Variants in HVCN1 observed in about 807,000 individuals in gnomAD.
The protein encoded by HVCN1 is voltage-gated hydrogen channel 1.
HVCN1 carries 14 observed loss-of-function variants against 29.2 expected under a neutral mutation model. The ratio of observed to expected loss-of-function variants is 0.48; its 90% CI spans 0.32 to 0.75. The LOEUF (loss-of-function observed/expected upper bound fraction) is 0.75. Among genes scored for constraint, HVCN1 ranks in the 30% least tolerant of loss-of-function variants. The probability of loss-of-function intolerance (pLI) is 0.04; values close to 1 mark genes in which losing one functional copy is unlikely to be tolerated. For missense variants in HVCN1, 263 were observed against 341.8 expected, an observed-to-expected ratio of 0.77 and a Z score of 1.82; for synonymous variants, 131 against 133.2, an observed-to-expected ratio of 0.98 and a Z score of 0.11.
upstream of HVCN1, among the ~76,000 whole-genome samples, chr12:110,692,070 C>T (rs137959764): frequency 1.4e-4 from 21 of 152,186 alleles, no homozygotes; most frequent in Non-Finnish European, 2.8e-4. Flanking sequence ...ACACTGTTAT[C>T]CCCAGGCACA....
chr12:110,651,329 C>G lies in HVCN1; in HGVS notation c.531G>C (p.Val177=). The change falls in exon 6 of 8, where the codon GTG becomes GTC. Residue 177 remains valine (V), a synonymous_variant. Coordinates refer to ENST00000242607, the MANE Select transcript of HVCN1 (RefSeq NM_032369.4). The part of the protein sequence containing the change: ...HHKFEILDAV[V]VVVSFILDIV... ...TGTCGAGGATGAATGAGACCACCAC[C>G]ACGACGGCATCCAGGATCTCAAACT... The G allele has an allele frequency of 6.2e-7, 1 of 1,613,964 alleles. No individual in the cohort carries two copies. Among genetic ancestry groups the G allele is most frequent in the Non-Finnish European group, 8.5e-7 (1 of 1,179,860 alleles).
intron 2 of HVCN1, among the ~76,000 whole-genome samples, chr12:110,685,809 C>T (rs1193549414): frequency 6.6e-6 from 1 of 152,070 alleles, no homozygotes; most frequent in Non-Finnish European, 1.5e-5. Flanking sequence ...CCCACCTCAA[C>T]CTCCCGAGTA....
intron 5 of HVCN1, among the ~76,000 whole-genome samples, chr12:110,654,702 A>T (rs2067930525): frequency 6.6e-6 from 1 of 152,072 alleles, no homozygotes; most frequent in Non-Finnish European, 1.5e-5. Context: ...CTGGTCTCGA[A>T]CTCCTGACCT....
In HVCN1 at chr12:110,698,462, C is replaced by T. The variant is rs376721672; in HGVS notation, c.-104+3847G>A. On this transcript the variant is annotated intron_variant, in intron 2 of 4. Coordinates refer to the HVCN1 transcript ENST00000546713. ...GGTTGCTAGTGGAAAGTGCTCTCCA[C>T]ACCTCGGTTCCGCCCTCCAGGCCAA... is the stretch of plus-strand genomic sequence containing the variant. Among the ~76,000 whole-genome samples the T allele has an allele frequency of 3.3e-5, 5 of 152,224 alleles. No homozygotes were observed. The East Asian group carries it at 9.6e-4, about 29-fold the overall frequency.
rs143250179 is a variant in HVCN1 at position 110,672,303 on chromosome 12, T to C, written c.22-10855A>G. Among the ~76,000 whole-genome samples, 8 of 152,290 alleles carry C rather than the reference T, an allele frequency of 5.3e-5. No individual in the cohort carries two copies. The East Asian group carries it at 9.7e-4, about 18-fold the overall frequency. ...TTTCTATCAACATTTAAAATGTCCT[T>C]ATTGCTTGACTTTACAAGAGACTCC... On this transcript the variant is annotated intron_variant, in intron 3 of 7. Transcript: ENST00000242607.
intron 1 of HVCN1, among the ~76,000 whole-genome samples, chr12:110,703,726 C>T (rs539173638): frequency 2.0e-5 from 3 of 152,156 alleles, no homozygotes; most frequent in Admixed American, 1.3e-4. Flanking sequence ...ACCTCATCGC[C>T]TAGGCTGGAG....
intron 3 of HVCN1, among the ~76,000 whole-genome samples, chr12:110,680,968 A>C (rs1188092657): frequency 6.6e-6 from 1 of 152,150 alleles, no homozygotes; most frequent in African/African-American, 2.4e-5. Context: ...ACAATTTTCT[A>C]TCTTATTTTT....
chr12:110,683,629 G>A (rs1466894479), intron 2 of HVCN1, among the ~76,000 whole-genome samples: 1 of 152,156 alleles, frequency 6.6e-6, no homozygotes, highest in Non-Finnish European at 1.5e-5. Context: ...AATGAAGGGG[G>A]CCAGGTGTGG....
chr12:110,683,087 C>T (rs1335572315), intron 3 of HVCN1, 138 bp downstream of exon 3: 14 of 1,180,586 alleles, frequency 1.2e-5, no homozygotes, highest in Non-Finnish European at 1.4e-5. Context: ...AGCTTTTCAT[C>T]ATTTTGATTT....
At chr12:110,680,338 T>A (rs2068917276) in intron 3 of HVCN1, among the ~76,000 whole-genome samples, 1 of 152,070 alleles carries the variant, frequency 6.6e-6, no homozygotes, top group South Asian at 2.1e-4. Context: ...CCTTGCTGTC[T>A]CTGTGCCCTG....
intron 2 of HVCN1, among the ~76,000 whole-genome samples, chr12:110,683,825 C>T (rs1031601087): frequency 6.7e-6 from 1 of 149,796 alleles, no homozygotes; most frequent in Non-Finnish European, 1.5e-5. Context: ...GCAGGAGAAT[C>T]GCTTGAACCC....
intron 3 of HVCN1, among the ~76,000 whole-genome samples, chr12:110,672,706 G>T (rs1481298143): frequency 6.6e-6 from 1 of 152,160 alleles, no homozygotes; most frequent in Non-Finnish European, 1.5e-5. Flanking sequence ...GCACCCGGGG[G>T]AGGTAACTGA....
intron 6 of HVCN1, among the ~76,000 whole-genome samples, chr12:110,650,701 T>G (rs1033566391): frequency 6.6e-6 from 1 of 151,578 alleles, no homozygotes; most frequent in Non-Finnish European, 1.5e-5. Context: ...TCCAGTTTTT[T>G]TTTTTTTTTT....
At chr12:110,702,848 T>G (rs1447819867) in intron 1 of HVCN1, among the ~76,000 whole-genome samples, 1 of 152,134 alleles carries the variant, frequency 6.6e-6, no homozygotes, top group Non-Finnish European at 1.5e-5. Context: ...GAAATATGGT[T>G]TCTCCATGTT....
intron 2 of HVCN1, among the ~76,000 whole-genome samples, chr12:110,698,569 A>G (rs2069528248): frequency 6.6e-6 from 1 of 152,162 alleles, no homozygotes; most frequent in Admixed American, 6.5e-5. Flanking sequence ...CGGAGTCTAC[A>G]TTGAACTCCC....
intron 3 of HVCN1, among the ~76,000 whole-genome samples, chr12:110,673,936 T>C (rs2068664769): frequency 6.6e-6 from 1 of 152,194 alleles, no homozygotes; most frequent in African/African-American, 2.4e-5. Context: ...TTCTGGGGTA[T>C]CACCTAGTAG....
Position 110,661,177 on chromosome 12 carries a change from G to A in HVCN1, c.293C>T (p.Ser98Phe), listed in dbSNP as rs1349728820. 2 of 1,606,672 alleles carry A rather than the reference G, an allele frequency of 1.2e-6. No individual in the cohort carries two copies. The highest frequency in any genetic ancestry group is 1.1e-5 in the South Asian group (1 of 90,280). ...TGCCCCACCTACCTGAAACCTGTGG[G>A]AGCTGAACAGTTTCCTCAACATGCC... ...FRGMLRKLFS[S>F]HRFQVIIICL... Residue 98 changes from serine to phenylalanine, a missense_variant, in exon 4 of 8, where the codon TCC (serine) becomes TTC (phenylalanine). Ser to Phe is a radical substitution (Grantham distance 155). Coordinates refer to ENST00000242607, the MANE Select transcript of HVCN1 (RefSeq NM_032369.4). This position sits in a 1 kb window ranked among gnomAD's most constrained non-coding sequence, Gnocchi z 6.2.
chr12:110,688,908 C>G (rs2069305622), intron 1 of HVCN1, among the ~76,000 whole-genome samples, 172 bp downstream of exon 1: 1 of 152,134 alleles, frequency 6.6e-6, no homozygotes, highest in African/African-American at 2.4e-5. Flanking sequence ...CGGGACACGC[C>G]AGAGCCGAGG....
chr12:110,697,224 C>T (rs1593554387), intron 2 of HVCN1, among the ~76,000 whole-genome samples: 1 of 151,982 alleles, frequency 6.6e-6, no homozygotes, highest in Non-Finnish European at 1.5e-5. Context: ...GAGGCTTGGG[C>T]GTCATCAGTG....
Sources: gnomAD v4.1 joint callset for allele counts (sites outside exome capture counted in the v4.1 genomes callset) on GRCh38, gnomAD v4.1.1 for gene constraint, Gnocchi (gnomAD v3.1) non-coding constraint, MANE v1.5 for transcripts, NCBI Gene and HGNC (gene_info 2026-07-23, HGNC 2026-07-21) for gene names.